TTLL7: variants seen among roughly 807,000 people sequenced by gnomAD.
TTLL7 encodes tubulin tyrosine ligase like 7.
In TTLL7, 53 loss-of-function variants were observed where a neutral mutation model predicts 120.2. The ratio of observed to expected loss-of-function variants is 0.44; its 90% CI spans 0.35 to 0.55. The LOEUF is 0.55. Ranked by LOEUF, TTLL7 falls within the 20% of genes least tolerant of loss-of-function variation. The pLI, the probability that TTLL7 is intolerant of heterozygous loss-of-function variation, is 0.00. For missense variants in TTLL7, 803 were observed against 1,054.7 expected (o/e 0.76, Z 3.31); for synonymous variants, 353 against 351.7 (o/e 1.00, Z -0.04).
chr1:83,970,681 A>T (rs1650891113), intron 1 of TTLL7, among the ~76,000 whole-genome samples: 1 of 152,120 alleles, frequency 6.6e-6, no homozygotes, highest in African/African-American at 2.4e-5. Context: ...TGAGGGTGTT[A>T]TCCAAGAGCT....
At chr1:83,891,777 C>A (rs1275739798) in intron 18 of TTLL7, among the ~76,000 whole-genome samples, 1 of 152,008 alleles carries the variant, frequency 6.6e-6, no homozygotes, top group African/African-American at 2.4e-5. Context: ...GATAGAACAT[C>A]TTCATAATAA....
intron 18 of TTLL7, among the ~76,000 whole-genome samples, chr1:83,894,482 T>C (rs1656048123): frequency 6.6e-6 from 1 of 152,168 alleles, no homozygotes; most frequent in South Asian, 2.1e-4. Flanking sequence ...GCCTGCTCTA[T>C]GCAAAACACT....
chr1:83,872,960 A>G (rs1653574231), intron 20 of TTLL7, among the ~76,000 whole-genome samples: 1 of 152,194 alleles, frequency 6.6e-6, no homozygotes, highest in South Asian at 2.1e-4. Flanking sequence ...AAATCCATAC[A>G]GGCTAGCTCC....
At position 83,867,735 on chromosome 1, in the gene TTLL7, T is replaced by C. The variant is rs1181689424; in HGVS notation, c.*2227A>G. On this transcript the variant is annotated 3_prime_UTR_variant, in exon 21 of 21. Transcript: ENST00000260505. ...GCTGTTATCATATATCAGACACTTA[T>C]ATATATATTTTTGTGGCCAAATCAT... is the stretch of plus-strand genomic sequence containing the variant. The C allele has an allele frequency of 6.7e-6, 1 of 148,926 alleles. No homozygotes were observed. Among genetic ancestry groups the C allele is most frequent in the African/African-American group, 2.5e-5 (1 of 39,982 alleles). The allele number at this position is 148,926 out of a possible 1,614,324, so 9.2% of individuals were successfully genotyped here.
chr1:83,978,611 A>G (rs758513247), intron 1 of TTLL7, among the ~76,000 whole-genome samples: 14 of 152,208 alleles, frequency 9.2e-5, no homozygotes, highest in Non-Finnish European at 2.1e-4. Context: ...TAATATTTTA[A>G]TATCTTTGTA....
chr1:83,871,219 C>T (rs2100690057), intron 20 of TTLL7, among the ~76,000 whole-genome samples: 1 of 152,068 alleles, frequency 6.6e-6, no homozygotes, highest in East Asian at 2.0e-4. Flanking sequence ...ACGGGTTTCA[C>T]CGTGTTAGCC....
intron 19 of TTLL7, among the ~76,000 whole-genome samples, chr1:83,889,622 G>A (rs1655275744): frequency 6.6e-6 from 1 of 152,030 alleles, no homozygotes; most frequent in African/African-American, 2.4e-5. Flanking sequence ...AAAGTGATTA[G>A]AACAATGCAT....
intron 20 of TTLL7, among the ~76,000 whole-genome samples, chr1:83,877,857 CT>C (rs1195115767): frequency 2.0e-5 from 3 of 150,982 alleles, no homozygotes; most frequent in African/African-American, 7.3e-5. Context: ...TTATTTTTTT[CT>C]GTATTCTTTG....
chr1:83,923,314 T>C (rs1300479239), intron 10 of TTLL7, among the ~76,000 whole-genome samples: 1 of 142,050 alleles, frequency 7.0e-6, no homozygotes, highest in Non-Finnish European at 1.5e-5. Context: ...GAAAAGAAAA[T>C]AGAAATGAAA....
At position 83,883,017 on chromosome 1, in the gene TTLL7, G is replaced by A; in HGVS notation, c.2489C>T (p.Ala830Val). Residue 830 changes from alanine to valine, a missense_variant, in exon 20 of 21, where the codon GCA becomes GTA. By Grantham distance (64) the Ala-to-Val change is moderately conservative. Transcript: ENST00000260505. ...KQCLLVVYKY[A>V]TDKRGSLSGI... ...TGAAAGTGATCCTCTTTTGTCAGTT[G>A]CATATTTGTAAACCACTAGCAGGCA... 3 of 1,612,612 alleles carry A rather than the reference G, an allele frequency of 1.9e-6. No individual in the cohort carries two copies.
At chr1:83,913,921 C>T (rs559228823) in intron 14 of TTLL7, among the ~76,000 whole-genome samples, 6 of 152,296 alleles carry the variant, frequency 3.9e-5, no homozygotes, top group African/African-American at 1.4e-4. Context: ...AAACATTGTG[C>T]CTCCAGGATA....
intron 1 of TTLL7, among the ~76,000 whole-genome samples, chr1:83,953,189 C>T (rs1649216715): frequency 6.6e-6 from 1 of 152,140 alleles, no homozygotes. Flanking sequence ...GCCTATAGTA[C>T]ACTTTGCTTG....
At chr1:83,940,596 C>T (rs975912733) in intron 7 of TTLL7, among the ~76,000 whole-genome samples, 1 of 152,102 alleles carries the variant, frequency 6.6e-6, no homozygotes, top group Middle Eastern at 3.2e-3. Context: ...TTCCCTTGAT[C>T]TCATTCCACA....
chr1:83,926,674 T>A (rs1303247833), intron 10 of TTLL7, among the ~76,000 whole-genome samples: 1 of 152,198 alleles, frequency 6.6e-6, no homozygotes, highest in Non-Finnish European at 1.5e-5. Context: ...AATGGTAGGG[T>A]AGCATTAAAT....
At chr1:83,975,351 C>T (rs1266140232) in intron 1 of TTLL7, among the ~76,000 whole-genome samples, 1 of 152,040 alleles carries the variant, frequency 6.6e-6, no homozygotes, top group African/African-American at 2.4e-5. Flanking sequence ...AAGTTCGAGA[C>T]CCACTGTTTA....
intron 10 of TTLL7, among the ~76,000 whole-genome samples, chr1:83,924,410 T>C (rs1658936361): frequency 6.6e-6 from 1 of 152,166 alleles, no homozygotes; most frequent in Non-Finnish European, 1.5e-5. Flanking sequence ...TTCTGACACA[T>C]GATGCAACAT....
At chr1:83,972,555 T>A (rs938961457) in intron 1 of TTLL7, among the ~76,000 whole-genome samples, 2 of 152,110 alleles carry the variant, frequency 1.3e-5, no homozygotes, top group Non-Finnish European at 1.5e-5. Context: ...GCTATAAACA[T>A]CCATATGCAG....
At chr1:83,990,830 C>G (rs1012475443) in intron 1 of TTLL7, among the ~76,000 whole-genome samples, 3 of 152,142 alleles carry the variant, frequency 2.0e-5, no homozygotes, top group Non-Finnish European at 4.4e-5. Flanking sequence ...TATACTCCAG[C>G]AATTTCACTT....
At position 83,993,782 on chromosome 1, in the gene TTLL7, C is replaced by G. The variant is rs565042073; in HGVS notation, c.-177+5149G>C. 5.3e-5 allele frequency among the ~76,000 whole-genome samples: 8 copies of G among 152,316 alleles called. No homozygotes were observed. The East Asian group carries it at 1.5e-3, about 29-fold the overall frequency. ...AAAAAGGGGGAAAATTTACTTATCACTCACCATCCCAGAGCCAAAACAATT... is the reference window on the plus strand; with the variant it reads ...AAAAAGGGGGAAAATTTACTTATCAGTCACCATCCCAGAGCCAAAACAATT... On this transcript the variant is annotated intron_variant, in intron 1 of 20. Coordinates refer to ENST00000260505, the MANE Select transcript of TTLL7 (RefSeq NM_024686.6).
Sources: allele counts gnomAD v4.1 joint callset (sites outside exome capture counted in the v4.1 genomes callset), GRCh38; gene constraint gnomAD v4.1.1; transcripts MANE v1.5; gene names NCBI Gene and HGNC (gene_info 2026-07-23, HGNC 2026-07-21).